Variants in SULT6B1 observed in about 807,000 individuals in gnomAD.
The protein encoded by SULT6B1 is sulfotransferase family 6B member 1.
In SULT6B1, 44 loss-of-function variants were observed where a neutral mutation model predicts 37.2. That is an observed-to-expected ratio of 1.18 (90% CI 0.93 to 1.52). The LOEUF is 1.52. Ranked by LOEUF, SULT6B1 falls within the 40% of genes most tolerant of loss-of-function variation. The pLI is 0.00. For missense variants in SULT6B1, 450 were observed against 361.0 expected, an observed-to-expected ratio of 1.25 and a Z score of -2.00; for synonymous variants, 140 against 126.0, an observed-to-expected ratio of 1.11 and a Z score of -0.74.
upstream of SULT6B1, chr2:37,189,741 G>T (rs187360439): frequency 6.6e-6 from 1 of 152,200 alleles, no homozygotes; most frequent in Non-Finnish European, 1.5e-5. Context: ...CCTAGGGTAC[G>T]CTCTTTCTCT....
chr2:37,186,722 C>T (rs75211762), intron 2 of SULT6B1, among the ~76,000 whole-genome samples: 3,528 of 151,806 alleles, frequency 0.023, 66 homozygotes, highest in Middle Eastern at 0.054. Flanking sequence ...TGAAACCCTA[C>T]CTCTACAAAA....
intron 2 of SULT6B1, 72 bp from the exon 3 acceptor site, chr2:37,183,586 A>T (rs180722744): frequency 2.6e-6 from 3 of 1,139,922 alleles, no homozygotes; most frequent in Non-Finnish European, 4.0e-6. Flanking sequence ...AATCACTCCT[A>T]GGTTTGGTAT....
chr2:37,188,516 G>C lies in SULT6B1; in HGVS notation c.125C>G (p.Ser42Ter). Residue 42 changes from serine (S) to a stop codon, truncating the protein, a stop_gained, in exon 1 of 7, where the codon TCA (serine) becomes TGA (stop). Transcript: ENST00000535679. LOFTEE classifies it high-confidence loss of function. ...GIPYPITMCTSETFQALDTFE... is the reference protein window; with the variant it reads ...GIPYPITMCT ...GGTGTCCAGCGCTTGGAAAGTTTCT[G>C]AGGTGCACATGGTGATGGGGTAAGG... 6.2e-7 allele frequency: 1 copy of C among 1,614,190 alleles called. No individual in the cohort carries two copies.
upstream of SULT6B1, chr2:37,189,742 C>T (rs1676745307): frequency 6.6e-6 from 1 of 152,256 alleles, no homozygotes. Context: ...CTAGGGTACG[C>T]TCTTTCTCTA....
chr2:37,193,591 G>GAAA (rs1254753731), upstream of SULT6B1, among the ~76,000 whole-genome samples: 17 of 117,736 alleles, frequency 1.4e-4, no homozygotes, highest in South Asian at 1.1e-3. Context: ...AAAAGAAGAA[G>GAAA]AAGAAAAAGA....
At chr2:37,175,253 A>G (rs753645668) in intron 4 of SULT6B1, 27 bp from the exon 5 acceptor site, 2 of 1,346,836 alleles carry the variant, frequency 1.5e-6, no homozygotes, top group South Asian at 1.3e-5. Flanking sequence ...GAAGACTTTA[A>G]GAAATGTCAA....
chr2:37,184,306 T>C (rs888169562), intron 2 of SULT6B1, among the ~76,000 whole-genome samples: 1 of 152,220 alleles, frequency 6.6e-6, no homozygotes, highest in Non-Finnish European at 1.5e-5. Context: ...AACCTGAAAG[T>C]ACAGAGTTAC....
intron 4 of SULT6B1, among the ~76,000 whole-genome samples, chr2:37,179,121 G>C (rs1676493254): frequency 6.6e-6 from 1 of 152,178 alleles, no homozygotes; most frequent in South Asian, 2.1e-4. Flanking sequence ...ACCACGCCAG[G>C]CTAATTTTTT....
upstream of SULT6B1, chr2:37,191,257 C>T: frequency 1.1e-5 from 1 of 90,000 alleles, no homozygotes. Context: ...TTTTTCACTG[C>T]AAAAAAAAAA....
intron 6 of SULT6B1, among the ~76,000 whole-genome samples, chr2:37,171,090 T>A (rs968116826): frequency 3.9e-5 from 6 of 152,134 alleles, no homozygotes; most frequent in Non-Finnish European, 7.4e-5. Flanking sequence ...TACAAAAAAA[T>A]TAACTGGGTG....
intron 6 of SULT6B1, among the ~76,000 whole-genome samples, chr2:37,170,575 C>A (rs1018608181): frequency 4.7e-4 from 71 of 151,790 alleles, no homozygotes; most frequent in African/African-American, 1.6e-3. Flanking sequence ...TTGAGACCAG[C>A]CTGGCCAATA....
rs1488408244 is a variant in SULT6B1, at chr2:37,167,831, T to C, written c.*104A>G. ...TTGTATTGTATTATTTAGATTTCAA[T>C]ATTGTTTAATTATTATTTGATTATT... On this transcript the variant is annotated 3_prime_UTR_variant, in exon 7 of 7. Coordinates refer to ENST00000535679, the MANE Select transcript of SULT6B1 (RefSeq NM_001367551.1). 6.0e-6 allele frequency: 6 copies of C among 998,184 alleles called. No individual in the cohort carries two copies. The highest frequency in any genetic ancestry group is 8.3e-6 in the Non-Finnish European group (6 of 726,160). The allele number at this position is 998,184 out of a possible 1,614,324, so 61.8% of individuals were successfully genotyped here.
At position 37,171,587 on chromosome 2, in the gene SULT6B1, G is replaced by T. The variant is rs1372387929; in HGVS notation, c.628C>A (p.Leu210Met). The T allele has an allele frequency of 6.2e-7, 1 of 1,609,060 alleles. No homozygotes were observed. Among genetic ancestry groups the T allele is most frequent in the East Asian group, 2.2e-5 (1 of 44,862 alleles). The change falls in exon 6 of 7, where the codon CTG becomes ATG. Residue 210 changes from leucine (L) to methionine (M), a missense_variant. Transcript: ENST00000535679. ...FILYEDLKENLAAGIKQIAEF... is the reference protein window; with the variant it reads ...FILYEDLKENMAAGIKQIAEF... The stretch of plus-strand genomic sequence containing the variant: ...GCAATCTGTTTTATTCCAGCAGCCA[G>T]ATTCTGTAAAAAAATTTTCTTAAAG...
Position 37,178,953 on chromosome 2 carries a change from T to TTTTGTTTG in SULT6B1, c.529+497_529+504dup, listed in dbSNP as rs5830459. Among the ~76,000 whole-genome samples the TTTTGTTTG allele has an allele frequency of 4.9e-3, 734 of 151,220 alleles. 9 individuals are homozygous for TTTTGTTTG. The highest frequency in any genetic ancestry group is 0.017 in the African/African-American group (694 of 41,222). On this transcript the variant is annotated intron_variant, in intron 4 of 6. Transcript: ENST00000535679. ...AACATACGACTTGTCCAAATTAGTT[T>TTTTGTTTG]TTTGTTTGTTTGTTTGTTTGTTTTT...
At chr2:37,184,474 AT>A (rs1373486395) in intron 2 of SULT6B1, among the ~76,000 whole-genome samples, 1 of 152,234 alleles carries the variant, frequency 6.6e-6, no homozygotes, top group African/African-American at 2.4e-5. Context: ...CAATCAGACC[AT>A]TAGTATATGT....
upstream of SULT6B1, chr2:37,191,153 T>G (rs1676771433): frequency 6.6e-6 from 1 of 150,672 alleles, no homozygotes; most frequent in Non-Finnish European, 1.5e-5. Context: ...AGAAAGACAC[T>G]TACAATGAGA....
chr2:37,189,431 C>T (rs1344148100), upstream of SULT6B1, among the ~76,000 whole-genome samples: 1 of 152,196 alleles, frequency 6.6e-6, no homozygotes, highest in Non-Finnish European at 1.5e-5. Context: ...GGAAAGCACA[C>T]TTAGAAGACA....
At chr2:37,178,231 T>C (rs1460195567) in intron 4 of SULT6B1, among the ~76,000 whole-genome samples, 1 of 151,966 alleles carries the variant, frequency 6.6e-6, no homozygotes, top group Non-Finnish European at 1.5e-5. Flanking sequence ...TTTATTTCTT[T>C]ATTTTTTATT....
At chr2:37,190,312 A>AT (rs987904360), upstream of SULT6B1, among the ~76,000 whole-genome samples, 19 of 152,014 alleles carry the variant, frequency 1.2e-4, no homozygotes, top group Non-Finnish European at 2.2e-4. Flanking sequence ...TAAGAAGGTA[A>AT]TTTTTTTCAC....
Sources: allele counts gnomAD v4.1 joint callset (sites outside exome capture counted in the v4.1 genomes callset), GRCh38; gene constraint gnomAD v4.1.1; transcripts MANE v1.5; gene names NCBI Gene and HGNC (gene_info 2026-07-23, HGNC 2026-07-21).